SGCD: variants seen among roughly 807,000 people sequenced by gnomAD.
The protein encoded by SGCD is delta-sarcoglycan.
A neutral mutation model predicts 36.6 loss-of-function variants in SGCD; 18 were observed. The ratio of observed to expected loss-of-function variants is 0.49; its 90% CI spans 0.34 to 0.73. SGCD has a LOEUF of 0.73. Ranked by LOEUF, SGCD falls within the 30% of genes least tolerant of loss-of-function variation. The pLI, the probability that SGCD is intolerant of heterozygous loss-of-function variation, is 0.01. For synonymous variants in SGCD, 133 were observed against 130.6 expected, an observed-to-expected ratio of 1.02 and a Z score of -0.12; for missense variants, 387 against 346.7, an observed-to-expected ratio of 1.12 and a Z score of -0.92.
chr5:156,732,307 A>T (rs1251960476), intron 7 of SGCD, among the ~76,000 whole-genome samples: 1 of 151,980 alleles, frequency 6.6e-6, no homozygotes, highest in Admixed American at 6.6e-5. Flanking sequence ...TGTTTTTAAC[A>T]TGAATGGATG....
At chr5:156,020,315 C>T (rs891132396) in intron 1 of SGCD, among the ~76,000 whole-genome samples, 3 of 152,072 alleles carry the variant, frequency 2.0e-5, no homozygotes, top group African/African-American at 7.2e-5. Context: ...AAAGAATGTC[C>T]TTCCTTCTTT....
At chr5:156,605,863 G>T (rs374783138) in intron 6 of SGCD, among the ~76,000 whole-genome samples, 1 of 152,166 alleles carries the variant, frequency 6.6e-6, no homozygotes, top group Non-Finnish European at 1.5e-5. Flanking sequence ...AGAAGTGTCT[G>T]TTCATATCCT....
intron 6 of SGCD, among the ~76,000 whole-genome samples, chr5:156,604,010 T>C (rs967777287): frequency 5.9e-5 from 9 of 152,098 alleles, no homozygotes; most frequent in Non-Finnish European, 1.2e-4. Flanking sequence ...TCTTCTACTA[T>C]TACTGTTTTG....
chr5:156,182,119 C>G (rs557782379), intron 3 of SGCD, among the ~76,000 whole-genome samples: 119 of 151,960 alleles, frequency 7.8e-4, no homozygotes, highest in Non-Finnish European at 1.4e-3. Context: ...CCAACAGATA[C>G]GTTTGTGGAA....
chr5:156,635,982 A>G (rs909162630), intron 6 of SGCD, among the ~76,000 whole-genome samples: 1 of 152,064 alleles, frequency 6.6e-6, no homozygotes, highest in Non-Finnish European at 1.5e-5. Flanking sequence ...ACATGTATAC[A>G]TATGTAACAA....
At chr5:156,326,169 A>T (rs1353977928), upstream of SGCD, among the ~76,000 whole-genome samples, 1 of 152,110 alleles carries the variant, frequency 6.6e-6, no homozygotes, top group Admixed American at 6.5e-5. Flanking sequence ...GGGGTTTTTC[A>T]GTGTGGGAGA....
chr5:156,483,539 C>A (rs918831458), intron 3 of SGCD, among the ~76,000 whole-genome samples: 1 of 152,170 alleles, frequency 6.6e-6, no homozygotes, highest in African/African-American at 2.4e-5. Flanking sequence ...GCATCGATAA[C>A]CAAACAGAAG....
intron 4 of SGCD, among the ~76,000 whole-genome samples, chr5:156,571,038 T>C (rs983823637): frequency 1.3e-5 from 2 of 152,174 alleles, no homozygotes; most frequent in African/African-American, 4.8e-5. Context: ...TCATCTTTTT[T>C]GTTTTTTGTT....
At position 156,123,058 on chromosome 5, in the gene SGCD, G is replaced by A. The variant is rs144349770; in HGVS notation, c.-207-798G>A. On this transcript the variant is annotated intron_variant, in intron 2 of 9. Coordinates refer to the SGCD transcript ENST00000517913. ...AGAAGGCATAAACTTAGAAGAAGGA[G>A]GGCTTTAGTATTTTCCAGGTGGAAG... Among the ~76,000 whole-genome samples, 14 of 152,010 alleles carry A rather than the reference G, an allele frequency of 9.2e-5. No individual in the cohort carries two copies. The East Asian group carries it at 2.7e-3, about 30-fold the overall frequency.
intron 4 of SGCD, among the ~76,000 whole-genome samples, chr5:156,571,780 C>T (rs1759735031): frequency 6.6e-6 from 1 of 152,196 alleles, no homozygotes; most frequent in African/African-American, 2.4e-5. Context: ...ATAAAATTTA[C>T]CATGTTAACT....
In SGCD at chr5:156,758,734, C is replaced by T. The variant is rs372829021; in HGVS notation, c.700-483C>T. ...ATTTTTATAGGCATATTTTTATAGG[C>T]ATGTTTTTCTCAAAGTATATTCTAT... On this transcript the variant is annotated intron_variant, in intron 8 of 8. Transcript: ENST00000337851. Among the ~76,000 whole-genome samples, 37 of 151,556 alleles carry T rather than the reference C, an allele frequency of 2.4e-4. 1 individual carries two copies. Among genetic ancestry groups the T allele is most frequent in the African/African-American group, 8.2e-4 (34 of 41,260 alleles).
chr5:156,084,929 A>G (rs920408467), intron 1 of SGCD, among the ~76,000 whole-genome samples: 2 of 152,156 alleles, frequency 1.3e-5, no homozygotes, highest in Non-Finnish European at 2.9e-5. Flanking sequence ...TGCTTTTTAT[A>G]TGTCAATTGG....
intron 1 of SGCD, among the ~76,000 whole-genome samples, chr5:156,011,585 G>A (rs1035622915): frequency 6.6e-6 from 1 of 151,932 alleles, no homozygotes; most frequent in Non-Finnish European, 1.5e-5. Flanking sequence ...GACTACAGGT[G>A]CCCACCACTG....
chr5:155,966,919 G>A (rs765100847), intron 1 of SGCD, among the ~76,000 whole-genome samples: 5 of 150,788 alleles, frequency 3.3e-5, no homozygotes, highest in African/African-American at 9.8e-5. Flanking sequence ...TTTTACAAAG[G>A]CCAATATAGG....
In SGCD at chr5:156,263,920, C is replaced by G. The variant is rs1460565729; in HGVS notation, c.-43-65614C>G. Among the ~76,000 whole-genome samples the G allele has an allele frequency of 2.6e-5, 4 of 151,954 alleles. No homozygotes were observed. In the East Asian group the frequency reaches 7.7e-4, roughly 29 times the overall value. ...TGGCTATAAGTATTTGGGTTTATTT[C>G]TGGGTTCTCTATTCTGTTGTGTTGT... On this transcript the variant is annotated intron_variant, in intron 3 of 9. Coordinates refer to the SGCD transcript ENST00000517913.
intron 3 of SGCD, among the ~76,000 whole-genome samples, chr5:156,246,396 A>T (rs1176598806): frequency 2.0e-5 from 3 of 152,318 alleles, no homozygotes; most frequent in East Asian, 1.9e-4. Flanking sequence ...ATTGAAAAAA[A>T]ATCAATAATT....
At chr5:156,019,652 T>G (rs1759056634) in intron 1 of SGCD, among the ~76,000 whole-genome samples, 1 of 152,186 alleles carries the variant, frequency 6.6e-6, no homozygotes, top group African/African-American at 2.4e-5. Context: ...AGAGGACAGC[T>G]AAAGCTATAT....
At chr5:156,508,357 A>T (rs1282724397) in intron 3 of SGCD, among the ~76,000 whole-genome samples, 2 of 152,040 alleles carry the variant, frequency 1.3e-5, no homozygotes, top group African/African-American at 4.8e-5. Context: ...GTGTGTGTGG[A>T]TGACTAGGGG....
chr5:156,635,366 A>G (rs577500304), intron 6 of SGCD, among the ~76,000 whole-genome samples: 10 of 152,232 alleles, frequency 6.6e-5, no homozygotes, highest in Non-Finnish European at 1.3e-4. Context: ...AATGGCGATC[A>G]TTAAAAAGTC....
Sources: gnomAD v4.1 joint callset for allele counts (sites outside exome capture counted in the v4.1 genomes callset) on GRCh38, gnomAD v4.1.1 for gene constraint, MANE v1.5 for transcripts, NCBI Gene and HGNC (gene_info 2026-07-23, HGNC 2026-07-21) for gene names.